Variants in PRIMA1 observed in about 807,000 individuals in gnomAD.
The protein encoded by PRIMA1 is proline rich membrane anchor 1, also known as proline-rich membrane anchor 1.
Under a neutral mutation model 17.5 loss-of-function variants are expected in PRIMA1, and 7 were observed. The observed-to-expected ratio is 0.40, with a 90% CI of 0.23 to 0.75. The LOEUF is 0.75. Among genes scored for constraint, PRIMA1 ranks in the 30% least tolerant of loss-of-function variants. The pLI is 0.37. For missense variants in PRIMA1, 200 were observed against 201.8 expected, an observed-to-expected ratio of 0.99 and a Z score of 0.05; for synonymous variants, 97 against 77.9, an observed-to-expected ratio of 1.25 and a Z score of -1.29.
At chr14:93,748,380 C>A (rs1167350162) in intron 3 of PRIMA1, among the ~76,000 whole-genome samples, 1 of 152,148 alleles carries the variant, frequency 6.6e-6, no homozygotes, top group Non-Finnish European at 1.5e-5. Flanking sequence ...ATGTGACAAA[C>A]GGCCAGGAGA....
rs1392281831 is a variant in PRIMA1 at position 93,787,803 on chromosome 14, G to A, written c.-31-54C>T. The stretch of plus-strand genomic sequence containing the variant: ...CGGACACCGCGCAGGCACTTCCGCC[G>A]CCGCGCACCAATATACCTCCCAGCC... On this transcript the variant is annotated intron_variant, in intron 1 of 4. Transcript: ENST00000393140. 5.3e-6 allele frequency: 8 copies of A among 1,497,334 alleles called. No homozygotes were observed. In the Admixed American group the frequency reaches 1.0e-4, roughly 19 times the overall value. The allele number at this position is 1,497,334 out of a possible 1,614,324, so 92.8% of individuals were successfully genotyped here. A position where few individuals can be genotyped will look rare whatever the true frequency, so the allele number is the denominator to read the frequency against.
At position 93,726,061 on chromosome 14, in the gene PRIMA1, T is replaced by C; in HGVS notation, c.360-4515A>G. On this transcript the variant is annotated intron_variant, in intron 4 of 4. Coordinates refer to ENST00000393140, the MANE Select transcript of PRIMA1 (RefSeq NM_178013.4). This position sits in a 1 kb window ranked among gnomAD's most constrained non-coding sequence, Gnocchi z 4.2. ...TTTCCTTGGCGGCACCCAGGATTCCTGCTTGTAGGAGGGTGGGCTCTGCCA... is the reference window on the plus strand; with the variant it reads ...TTTCCTTGGCGGCACCCAGGATTCCCGCTTGTAGGAGGGTGGGCTCTGCCA... 1 of 456,488 alleles carries C rather than the reference T, an allele frequency of 2.2e-6. No homozygotes were observed. The highest frequency in any genetic ancestry group is 2.0e-5 in the African/African-American group (1 of 50,184). 28.3% of individuals were successfully genotyped at this position (456,488 alleles called of 1,614,324 possible). A position where few individuals can be genotyped will look rare whatever the true frequency, so the allele number is the denominator to read the frequency against.
intron 3 of PRIMA1, among the ~76,000 whole-genome samples, chr14:93,750,419 A>G (rs2076252900): frequency 6.6e-6 from 1 of 152,148 alleles, no homozygotes; most frequent in East Asian, 1.9e-4. Context: ...AACAAACATG[A>G]CGGGGCCCTC....
At chr14:93,777,422 C>T (rs987908212) in intron 3 of PRIMA1, among the ~76,000 whole-genome samples, 1 of 152,180 alleles carries the variant, frequency 6.6e-6, no homozygotes, top group Non-Finnish European at 1.5e-5. Flanking sequence ...CTGCAACCTC[C>T]GCCTCCCGGG....
At chr14:93,747,916 CTG>C (rs767016459) in intron 3 of PRIMA1, among the ~76,000 whole-genome samples, 13 of 40,238 alleles carry the variant, frequency 3.2e-4, no homozygotes, top group African/African-American at 8.5e-4. Context: ...GAGTGGGGGA[CTG>C]TGTGGAGTGT....
At chr14:93,770,280 G>A (rs908843788) in intron 3 of PRIMA1, among the ~76,000 whole-genome samples, 1 of 152,172 alleles carries the variant, frequency 6.6e-6, no homozygotes, top group Non-Finnish European at 1.5e-5. Flanking sequence ...TAAAGTGCAC[G>A]TGAGGGCATG....
At chr14:93,734,533 C>T (rs1235113721) in intron 4 of PRIMA1, among the ~76,000 whole-genome samples, 1 of 152,198 alleles carries the variant, frequency 6.6e-6, no homozygotes, top group Non-Finnish European at 1.5e-5. Flanking sequence ...AGGTGCTAAC[C>T]GCCCCCACTC....
At chr14:93,781,518 A>G (rs76414239) in intron 2 of PRIMA1, among the ~76,000 whole-genome samples, 2,980 of 152,346 alleles carry the variant, frequency 0.02, 102 homozygotes, top group African/African-American at 0.068. Context: ...AATCTATGAG[A>G]GAGAGTTCAA....
chr14:93,728,484 C>T (rs779752994), intron 4 of PRIMA1, among the ~76,000 whole-genome samples: 45 of 152,204 alleles, frequency 3.0e-4, no homozygotes, highest in Non-Finnish European at 4.1e-4. Flanking sequence ...AGAAAAACAC[C>T]AGCAGGAGCA....
intron 1 of PRIMA1, 63 bp from the exon 2 acceptor site, chr14:93,787,812 C>A (rs1885569883): frequency 6.7e-7 from 1 of 1,487,404 alleles, no homozygotes; most frequent in Admixed American, 2.1e-5. Context: ...CGCCGCGCAC[C>A]AATATACCTC....
At chr14:93,732,841 G>C (rs1222403122) in intron 4 of PRIMA1, among the ~76,000 whole-genome samples, 2 of 152,208 alleles carry the variant, frequency 1.3e-5, no homozygotes, top group Admixed American at 6.5e-5. Flanking sequence ...GGCTGGGGCT[G>C]GGAAGGGAAC....
chr14:93,763,896 C>T (rs1043239832), intron 3 of PRIMA1, among the ~76,000 whole-genome samples: 9 of 152,132 alleles, frequency 5.9e-5, no homozygotes, highest in African/African-American at 9.7e-5. Flanking sequence ...CTGTCCTCAA[C>T]TCCAGAGGCA....
chr14:93,744,196 C>A (rs563558650), intron 3 of PRIMA1, among the ~76,000 whole-genome samples: 3 of 152,222 alleles, frequency 2.0e-5, no homozygotes, highest in African/African-American at 4.8e-5. Context: ...ACAAAGGACG[C>A]GGTTTCTCAG....
chr14:93,747,931 TTATG>T (rs2076233385), intron 3 of PRIMA1, among the ~76,000 whole-genome samples: 2 of 68,560 alleles, frequency 2.9e-5, no homozygotes, highest in Non-Finnish European at 8.1e-5. Flanking sequence ...TGGAGTGTGA[TTATG>T]TGAGTGTGTG....
intron 3 of PRIMA1, among the ~76,000 whole-genome samples, chr14:93,744,712 G>C (rs1473881549): frequency 6.6e-6 from 1 of 152,152 alleles, no homozygotes; most frequent in Non-Finnish European, 1.5e-5. Context: ...TCAGGCTTCT[G>C]GGTTTAGCAT....
intron 4 of PRIMA1, among the ~76,000 whole-genome samples, chr14:93,730,993 A>C (rs2076110440): frequency 6.6e-6 from 1 of 152,168 alleles, no homozygotes. Flanking sequence ...TCAGAGACCC[A>C]CAGTCCACCT....
chr14:93,739,046 GT>G (rs1399280709), intron 3 of PRIMA1, among the ~76,000 whole-genome samples: 1 of 150,696 alleles, frequency 6.6e-6, no homozygotes, highest in Non-Finnish European at 1.5e-5. Flanking sequence ...ATTTGTTGTT[GT>G]TTTTTCTTTC....
At position 93,779,318 on chromosome 14, in the gene PRIMA1, ACATGGGCACACGTACC is replaced by A; in HGVS notation, c.94-23_94-8del. On this transcript the variant is annotated splice_polypyrimidine_tract_variant and splice_region_variant and intron_variant, in intron 2 of 4. Coordinates refer to ENST00000393140, the MANE Select transcript of PRIMA1 (RefSeq NM_178013.4). ...GGGGCTCACCATGCGTCACCTGTAC[ACATGGGCACACGTACC>A]CAAGAGAGAGAGAAGACCATAAGGC... The A allele has an allele frequency of 6.5e-7, 1 of 1,544,760 alleles. No homozygotes were observed. The highest frequency in any genetic ancestry group is 2.5e-5 in the East Asian group (1 of 39,530).
intron 3 of PRIMA1, among the ~76,000 whole-genome samples, chr14:93,757,262 A>T (rs1199583180): frequency 3.3e-5 from 5 of 152,102 alleles, no homozygotes; most frequent in Non-Finnish European, 5.9e-5. Context: ...CCTCTTACTT[A>T]ATGGCTGCCC....
Sources: allele counts gnomAD v4.1 joint callset (sites outside exome capture counted in the v4.1 genomes callset), GRCh38; gene constraint gnomAD v4.1.1; non-coding constraint Gnocchi (gnomAD v3.1); transcripts MANE v1.5; gene names NCBI Gene and HGNC (gene_info 2026-07-23, HGNC 2026-07-21).